Variants in SLC38A1 observed in about 807,000 individuals in gnomAD.
SLC38A1 encodes the protein sodium-coupled neutral amino acid symporter 1.
SLC38A1 carries 18 observed loss-of-function variants against 60.3 expected under a neutral mutation model. The observed-to-expected ratio is 0.30, with a 90% CI of 0.21 to 0.44. The LOEUF (loss-of-function observed/expected upper bound fraction) is 0.44, where lower values mean the gene tolerates loss of function less well. Among genes scored for constraint, SLC38A1 ranks in the 20% least tolerant of loss-of-function variants. The pLI, the probability that SLC38A1 is intolerant of heterozygous loss-of-function variation, is 1.00. For missense variants in SLC38A1, 448 were observed against 587.2 expected (o/e 0.76, Z 2.45); for synonymous variants, 196 against 212.1 (o/e 0.92, Z 0.66).
chr12:46,247,854 A>G (rs1941676050), intron 1 of SLC38A1, among the ~76,000 whole-genome samples: 1 of 152,248 alleles, frequency 6.6e-6, no homozygotes, highest in Non-Finnish European at 1.5e-5. Context: ...AAACTCTACA[A>G]GCCAGAAGAG....
intron 1 of SLC38A1, among the ~76,000 whole-genome samples, chr12:46,244,140 A>G (rs547631960): frequency 6.6e-6 from 1 of 152,340 alleles, no homozygotes; most frequent in Non-Finnish European, 1.5e-5. Flanking sequence ...CAGTGCATAC[A>G]TGCATGAAGG....
At chr12:46,259,237 A>G (rs945711577) in intron 1 of SLC38A1, among the ~76,000 whole-genome samples, 4 of 152,056 alleles carry the variant, frequency 2.6e-5, no homozygotes, top group African/African-American at 7.2e-5. Context: ...AGCTAGTCCC[A>G]TAACTGACTG....
intron 16 of SLC38A1, chr12:46,195,824 C>T (rs1049066920): frequency 1.1e-5 from 3 of 282,180 alleles, no homozygotes; most frequent in Non-Finnish European, 2.1e-5. Flanking sequence ...AGTATTTGGT[C>T]AGGAGTGTAC....
chr12:46,264,068 G>A (rs1035235717), intron 1 of SLC38A1, among the ~76,000 whole-genome samples: 1 of 152,186 alleles, frequency 6.6e-6, no homozygotes, highest in Admixed American at 6.5e-5. Context: ...CTCTGGAGTT[G>A]AAGTCTTGGC....
intron 3 of SLC38A1, among the ~76,000 whole-genome samples, chr12:46,236,311 G>A (rs779877112): frequency 1.2e-4 from 18 of 152,228 alleles, no homozygotes; most frequent in South Asian, 4.1e-4. Flanking sequence ...CAAGCTTAGC[G>A]TTCCAATAAT....
chr12:46,237,549 C>T (rs1329656256), intron 3 of SLC38A1, among the ~76,000 whole-genome samples: 1 of 151,812 alleles, frequency 6.6e-6, no homozygotes, highest in Admixed American at 6.6e-5. Flanking sequence ...CAAAAGCCAA[C>T]AGACCTCCCT....
chr12:46,244,644 T>A (rs773086444), intron 1 of SLC38A1, among the ~76,000 whole-genome samples: 7 of 152,226 alleles, frequency 4.6e-5, no homozygotes, highest in Non-Finnish European at 8.8e-5. Context: ...GCACTTGAGA[T>A]AATGGCTTCC....
chr12:46,217,609 G>C (rs1439902674), intron 5 of SLC38A1, among the ~76,000 whole-genome samples: 3 of 152,122 alleles, frequency 2.0e-5, no homozygotes, highest in African/African-American at 7.2e-5. Flanking sequence ...CTCATTAATA[G>C]AATCCCTGTT....
At chr12:46,236,240 T>C (rs1177316054) in intron 3 of SLC38A1, among the ~76,000 whole-genome samples, 4 of 152,194 alleles carry the variant, frequency 2.6e-5, no homozygotes, top group African/African-American at 9.7e-5. Context: ...TTGCAATTTT[T>C]TATGTGTGAA....
chr12:46,194,409 G>A (rs762921906), intron 16 of SLC38A1, among the ~76,000 whole-genome samples: 5 of 152,084 alleles, frequency 3.3e-5, no homozygotes, highest in Non-Finnish European at 7.4e-5. Context: ...ACAATTATGT[G>A]TCTTGGGGTT....
chr12:46,204,273 T>G, intron 11 of SLC38A1, 28 bp downstream of exon 11: 3 of 1,374,884 alleles, frequency 2.2e-6, no homozygotes, highest in Non-Finnish European at 3.1e-6. Context: ...AAATGCTTGT[T>G]TCATCTGCAA....
chr12:46,204,832 T>C (rs1402577622), intron 9 of SLC38A1, among the ~76,000 whole-genome samples: 3 of 152,166 alleles, frequency 2.0e-5, no homozygotes, highest in African/African-American at 4.8e-5. Flanking sequence ...AACATTATAT[T>C]ACGTGTTTTG....
At chr12:46,249,119 G>GCACTC (rs1295372956) in intron 1 of SLC38A1, among the ~76,000 whole-genome samples, 8 of 131,338 alleles carry the variant, frequency 6.1e-5, no homozygotes. Flanking sequence ...TCGTGCCACT[G>GCACTC]CACTCCAGAC....
intron 1 of SLC38A1, among the ~76,000 whole-genome samples, chr12:46,248,652 A>G (rs1375760673): frequency 6.6e-6 from 1 of 152,218 alleles, no homozygotes; most frequent in Non-Finnish European, 1.5e-5. Flanking sequence ...ACTTGAACTC[A>G]TCTTTGCACC....
intron 1 of SLC38A1, among the ~76,000 whole-genome samples, chr12:46,250,579 T>C (rs1348348747): frequency 1.3e-5 from 2 of 152,176 alleles, no homozygotes; most frequent in Admixed American, 6.5e-5. Context: ...GATTGTATAT[T>C]TAGAAAACCC....
intron 5 of SLC38A1, among the ~76,000 whole-genome samples, chr12:46,218,526 G>C (rs1940515171): frequency 6.6e-6 from 1 of 152,104 alleles, no homozygotes; most frequent in Non-Finnish European, 1.5e-5. Flanking sequence ...CAATGGACTT[G>C]TTGCTCTCCT....
At chr12:46,244,782 T>C (rs1370300652) in intron 1 of SLC38A1, among the ~76,000 whole-genome samples, 1 of 152,224 alleles carries the variant, frequency 6.6e-6, no homozygotes, top group Non-Finnish European at 1.5e-5. Flanking sequence ...TAACAAATTT[T>C]TAGGCACTGA....
chr12:46,243,988 C>T (rs1941532143), intron 1 of SLC38A1, among the ~76,000 whole-genome samples: 1 of 152,132 alleles, frequency 6.6e-6, no homozygotes. Flanking sequence ...ACTTATCTGG[C>T]CTTAAGTCAA....
intron 3 of SLC38A1, 128 bp from the exon 4 acceptor site, chr12:46,229,767 G>A: frequency 1.3e-6 from 1 of 789,742 alleles, no homozygotes; most frequent in South Asian, 1.7e-5. Context: ...AGAGTTTACA[G>A]CCCTATTCAA....
Sources: gnomAD v4.1 joint callset for allele counts (sites outside exome capture counted in the v4.1 genomes callset) on GRCh38, gnomAD v4.1.1 for gene constraint, MANE v1.5 for transcripts, NCBI Gene and HGNC (gene_info 2026-07-23, HGNC 2026-07-21) for gene names.